The following MACROD2 variants were observed in gnomAD, a reference collection of about 807,000 sequenced individuals.
The protein encoded by MACROD2 is mono-ADP ribosylhydrolase 2, also known as ADP-ribose glycohydrolase MACROD2.
Under a neutral mutation model 70.4 loss-of-function variants are expected in MACROD2, and 36 were observed. The ratio of observed to expected loss-of-function variants is 0.51; its 90% CI spans 0.39 to 0.68. The LOEUF is 0.68. Among genes scored for constraint, MACROD2 ranks in the 30% least tolerant of loss-of-function variants. The pLI is 0.00. For missense variants in MACROD2, 496 were observed against 538.4 expected (o/e 0.92, Z 0.78); for synonymous variants, 172 against 178.8 (o/e 0.96, Z 0.30).
At chr20:15,928,234 A>G (rs1385846690) in intron 10 of MACROD2, among the ~76,000 whole-genome samples, 2 of 152,120 alleles carry the variant, frequency 1.3e-5, no homozygotes, top group African/African-American at 4.8e-5. Flanking sequence ...ATGGTTCAGG[A>G]AAAAAAAGTT....
At chr20:15,075,364 G>T (rs540837938) in intron 5 of MACROD2, among the ~76,000 whole-genome samples, 1 of 152,082 alleles carries the variant, frequency 6.6e-6, no homozygotes, top group East Asian at 1.9e-4. Flanking sequence ...AAAACTAAAG[G>T]CATTTAATGT....
At chr20:14,040,018 A>G (rs1201806559) in intron 2 of MACROD2, among the ~76,000 whole-genome samples, 2 of 152,172 alleles carry the variant, frequency 1.3e-5, no homozygotes, top group African/African-American at 2.4e-5. Flanking sequence ...CAGTGACTTC[A>G]GAAAGAAGGT....
intron 5 of MACROD2, among the ~76,000 whole-genome samples, chr20:14,961,918 A>G (rs1372955973): frequency 6.6e-6 from 1 of 152,220 alleles, no homozygotes; most frequent in Non-Finnish European, 1.5e-5. Flanking sequence ...ATTAACAATT[A>G]TACAATATCA....
rs139438243 is a variant in MACROD2 at position 15,023,830 on chromosome 20, G to A, written c.419-206110G>A. Reference sequence around the variant, plus strand: ...ATTTGGGTGGGAACACAGCCAAACCGTATCACCCAAGGAACACATCAGTGA... The same window carrying A: ...ATTTGGGTGGGAACACAGCCAAACCATATCACCCAAGGAACACATCAGTGA... On this transcript the variant is annotated intron_variant, in intron 5 of 17. Transcript: ENST00000684519. Among the ~76,000 whole-genome samples the A allele has an allele frequency of 5.1e-3, 781 of 152,174 alleles. 6 individuals carry two copies. Among genetic ancestry groups the A allele is most frequent in the Non-Finnish European group, 9.3e-3 (635 of 67,976 alleles).
chr20:15,511,422 G>A (rs901791721), intron 8 of MACROD2, among the ~76,000 whole-genome samples: 13 of 151,908 alleles, frequency 8.6e-5, no homozygotes, highest in Admixed American at 2.6e-4. Flanking sequence ...CGATATAAGC[G>A]CAAAACTTCA....
intron 4 of MACROD2, among the ~76,000 whole-genome samples, chr20:14,666,818 G>C (rs967774572): frequency 6.6e-5 from 10 of 151,882 alleles, no homozygotes; most frequent in Non-Finnish European, 1.3e-4. Flanking sequence ...GATTGCTCTT[G>C]TTTCATCCTG....
intron 5 of MACROD2, among the ~76,000 whole-genome samples, chr20:15,037,431 G>C (rs2075321782): frequency 6.6e-6 from 1 of 152,218 alleles, no homozygotes; most frequent in Non-Finnish European, 1.5e-5. Context: ...GCATGTTTAA[G>C]TGAAGTCACT....
intron 3 of MACROD2, among the ~76,000 whole-genome samples, chr20:14,397,055 C>T (rs1296788040): frequency 9.3e-5 from 12 of 128,372 alleles, no homozygotes; most frequent in East Asian, 2.5e-4. Flanking sequence ...AGTGCAGTGG[C>T]GCAATCTCGG....
chr20:15,103,690 G>A (rs1312430774), intron 5 of MACROD2, among the ~76,000 whole-genome samples: 1 of 152,118 alleles, frequency 6.6e-6, no homozygotes, highest in Non-Finnish European at 1.5e-5. Flanking sequence ...TGAATAAGAT[G>A]ATTTTACATA....
intron 5 of MACROD2, among the ~76,000 whole-genome samples, chr20:14,751,872 G>A (rs1242144778): frequency 6.6e-6 from 1 of 152,072 alleles, no homozygotes; most frequent in African/African-American, 2.4e-5. Flanking sequence ...GGGAAGAACT[G>A]GGGCCAAGAA....
At chr20:15,520,238 A>G (rs896881725) in intron 8 of MACROD2, among the ~76,000 whole-genome samples, 11 of 152,314 alleles carry the variant, frequency 7.2e-5, no homozygotes, top group Admixed American at 7.2e-4. Flanking sequence ...TAAAATCCAC[A>G]CTGGGAAAGG....
intron 5 of MACROD2, among the ~76,000 whole-genome samples, chr20:14,699,901 ACT>A (rs1400754322): frequency 7.1e-6 from 1 of 141,378 alleles, no homozygotes; most frequent in African/African-American, 2.6e-5. Flanking sequence ...TAAAGTTTAA[ACT>A]TTTTAAATCT....
At chr20:14,349,629 C>T (rs1167545559) in intron 3 of MACROD2, among the ~76,000 whole-genome samples, 2 of 89,854 alleles carry the variant, frequency 2.2e-5, no homozygotes, top group Admixed American at 3.7e-4. Context: ...GAGTACTTTT[C>T]CCAGACCCTG....
chr20:14,219,288 G>A (rs1485736741), intron 3 of MACROD2, among the ~76,000 whole-genome samples: 2 of 151,724 alleles, frequency 1.3e-5, no homozygotes, highest in Non-Finnish European at 2.9e-5. Context: ...CCTAGTCTTC[G>A]AGCTCTGAAT....
intron 5 of MACROD2, among the ~76,000 whole-genome samples, chr20:15,045,670 C>T (rs2075387501): frequency 7.2e-6 from 1 of 138,740 alleles, no homozygotes; most frequent in South Asian, 2.5e-4. Flanking sequence ...TTTAATCAAA[C>T]AAATTGGTTT....
chr20:15,274,660 G>A (rs1234441379), intron 6 of MACROD2, among the ~76,000 whole-genome samples: 1 of 152,316 alleles, frequency 6.6e-6, no homozygotes, highest in Non-Finnish European at 1.5e-5. Flanking sequence ...GGTATTCAAC[G>A]CCTACCATGT....
intron 3 of MACROD2, among the ~76,000 whole-genome samples, chr20:14,169,714 C>A (rs766427829): frequency 6.6e-6 from 1 of 152,098 alleles, no homozygotes; most frequent in Admixed American, 6.5e-5. Context: ...GCCTCCCATC[C>A]TTTATAATAT....
intron 3 of MACROD2, among the ~76,000 whole-genome samples, chr20:14,448,697 A>ACGGTG (rs2084211866): frequency 6.6e-6 from 1 of 151,364 alleles, no homozygotes; most frequent in Non-Finnish European, 1.5e-5. Context: ...AGAAAGAAAG[A>ACGGTG]AAGGCGGTGA....
chr20:14,652,757 C>T (rs1267679226), intron 4 of MACROD2, among the ~76,000 whole-genome samples: 2 of 152,090 alleles, frequency 1.3e-5, no homozygotes, highest in Non-Finnish European at 2.9e-5. Flanking sequence ...TCTGTTTGTC[C>T]TTGGTAAAGT....
Sources: allele counts gnomAD v4.1 joint callset (sites outside exome capture counted in the v4.1 genomes callset), GRCh38; gene constraint gnomAD v4.1.1; transcripts MANE v1.5; gene names NCBI Gene and HGNC (gene_info 2026-07-23, HGNC 2026-07-21).